The following ANK3 variants were observed in gnomAD, a reference collection of about 807,000 sequenced individuals.
ANK3 encodes the protein ankyrin 3, also known as ankyrin-3.
A neutral mutation model predicts 370.9 loss-of-function variants in ANK3; 57 were observed. The ratio of observed to expected loss-of-function variants is 0.15; its 90% confidence interval spans 0.12 to 0.19. The LOEUF is 0.19. ANK3 is among the 10% of genes least tolerant of loss of function. The pLI, the probability that ANK3 is intolerant of heterozygous loss-of-function variation, is 1.00. For synonymous variants in ANK3, 1,929 were observed against 1,946.3 expected (o/e 0.99, Z 0.23); for missense variants, 4,439 against 5,302.1 (o/e 0.84, Z 5.06).
intron 7 of ANK3, among the ~76,000 whole-genome samples, chr10:60,242,678 A>T (rs768068954): frequency 3.3e-5 from 5 of 152,304 alleles, no homozygotes; most frequent in Non-Finnish European, 5.9e-5. Context: ...TGTGCGGTGG[A>T]TACAATACCT....
rs534300791 is a variant in ANK3, at chr10:60,133,066, T to C, written c.2841+1205A>G. Among the ~76,000 whole-genome samples, 3 of 152,280 alleles carry C rather than the reference T, an allele frequency of 2.0e-5. No individual in the cohort carries two copies. The South Asian group carries it at 6.2e-4, about 32-fold the overall frequency. ...GTTCCTATGAAGTACAACACACATATGTAGGTCTAGACATCAGCATCTGCA... is the reference window on the plus strand; with the variant it reads ...GTTCCTATGAAGTACAACACACATACGTAGGTCTAGACATCAGCATCTGCA... On this transcript the variant is annotated intron_variant, in intron 25 of 43. Coordinates refer to ENST00000280772, the MANE Select transcript of ANK3 (RefSeq NM_020987.5).
chr10:60,132,587 G>C (rs897235455), intron 25 of ANK3, among the ~76,000 whole-genome samples: 2 of 151,822 alleles, frequency 1.3e-5, no homozygotes, highest in African/African-American at 4.8e-5. Flanking sequence ...TTTATTAGCA[G>C]TGTGAGAACA....
chr10:60,291,324 G>A (rs1413212244), intron 1 of ANK3, among the ~76,000 whole-genome samples: 1 of 152,070 alleles, frequency 6.6e-6, no homozygotes, highest in African/African-American at 2.4e-5. Flanking sequence ...TTAATAATAT[G>A]AGGTCAATAT....
intron 1 of ANK3, chr10:60,300,491 G>A (rs1027339968): frequency 6.3e-6 from 8 of 1,264,822 alleles, no homozygotes; most frequent in Admixed American, 2.5e-5. Context: ...CTGGTCAGAA[G>A]CAACTAACTA....
chr10:60,036,234 A>G (rs2074929489), intron 43 of ANK3, among the ~76,000 whole-genome samples: 1 of 152,018 alleles, frequency 6.6e-6, no homozygotes, highest in African/African-American at 2.4e-5. Context: ...TGCTGTTCTC[A>G]CTTCTCCCAC....
At chr10:60,302,431 T>A (rs914319392) in intron 1 of ANK3, among the ~76,000 whole-genome samples, 2 of 152,208 alleles carry the variant, frequency 1.3e-5, no homozygotes, top group African/African-American at 4.8e-5. Flanking sequence ...CTATTCATTA[T>A]TATAATATCA....
intron 28 of ANK3, among the ~76,000 whole-genome samples, chr10:60,098,722 G>A (rs954585228): frequency 2.0e-5 from 3 of 152,106 alleles, no homozygotes; most frequent in African/African-American, 7.2e-5. Context: ...AAGATAGTAC[G>A]AAAGGCTCCA....
At chr10:60,249,773 C>T (rs1246182368) in intron 7 of ANK3, among the ~76,000 whole-genome samples, 1 of 152,188 alleles carries the variant, frequency 6.6e-6, no homozygotes, top group African/African-American at 2.4e-5. Context: ...GTGGCCGATA[C>T]CCCATCCTCA....
chr10:60,398,420 T>G (rs985737019), intron 2 of ANK3, among the ~76,000 whole-genome samples: 3 of 152,178 alleles, frequency 2.0e-5, no homozygotes, highest in African/African-American at 7.2e-5. Flanking sequence ...GCTTGGAATA[T>G]TTATGTGTAC....
intron 1 of ANK3, among the ~76,000 whole-genome samples, chr10:60,302,751 C>T (rs1314441312): frequency 6.6e-6 from 1 of 151,878 alleles, no homozygotes; most frequent in African/African-American, 2.4e-5. Flanking sequence ...AACAACAAAG[C>T]TAGAGCTATC....
intron 1 of ANK3, among the ~76,000 whole-genome samples, chr10:60,669,342 A>G (rs1228774722): frequency 6.6e-6 from 1 of 152,126 alleles, no homozygotes; most frequent in East Asian, 1.9e-4. Context: ...ACTTACACCC[A>G]TTTTATGGGA....
At chr10:60,677,255 C>T (rs564959627) in intron 1 of ANK3, among the ~76,000 whole-genome samples, 4 of 152,134 alleles carry the variant, frequency 2.6e-5, no homozygotes, top group African/African-American at 9.6e-5. Context: ...ACTGAATGAC[C>T]ACAATTTAGT....
intron 1 of ANK3, among the ~76,000 whole-genome samples, chr10:60,361,158 GTT>G (rs894353145): frequency 1.3e-5 from 2 of 152,134 alleles, no homozygotes; most frequent in Non-Finnish European, 2.9e-5. Context: ...TTCTTCTGGG[GTT>G]TTCTTTTCTT....
At chr10:60,518,146 C>CAAG (rs34708451) in intron 2 of ANK3, among the ~76,000 whole-genome samples, 110,793 of 151,704 alleles carry the variant, frequency 0.73, 40,448 homozygotes, top group South Asian at 0.88. Flanking sequence ...AAGCCTGGGG[C>CAAG]AAGGACATCA....
intron 2 of ANK3, among the ~76,000 whole-genome samples, chr10:60,454,230 G>A (rs1567053965): frequency 6.6e-6 from 1 of 152,154 alleles, no homozygotes; most frequent in Non-Finnish European, 1.5e-5. Context: ...TGTGTCTTTT[G>A]ATAACGTCGT....
At chr10:60,715,215 A>ATTGTGTGTG (rs145278199) in intron 1 of ANK3, among the ~76,000 whole-genome samples, 1 of 147,192 alleles carries the variant, frequency 6.8e-6, no homozygotes, top group Non-Finnish European at 1.5e-5. Context: ...ACATATACAA[A>ATTGTGTGTG]TGTGTGTGTG....
intron 16 of ANK3, among the ~76,000 whole-genome samples, chr10:60,194,816 A>G (rs2096558327): frequency 6.6e-6 from 1 of 152,204 alleles, no homozygotes; most frequent in Non-Finnish European, 1.5e-5. Flanking sequence ...GATTAAAAGC[A>G]AGTTTGGGAG....
intron 2 of ANK3, among the ~76,000 whole-genome samples, chr10:60,420,422 TA>T (rs2063754461): frequency 6.6e-6 from 1 of 152,088 alleles, no homozygotes; most frequent in South Asian, 2.1e-4. Context: ...GCTTTATGAA[TA>T]AGCATCAGAA....
intron 2 of ANK3, among the ~76,000 whole-genome samples, chr10:60,468,396 T>C (rs756267331): frequency 1.2e-4 from 18 of 152,208 alleles, no homozygotes; most frequent in African/African-American, 1.9e-4. Flanking sequence ...AGCTCTCATT[T>C]GTGAATTTTG....
Sources: gnomAD v4.1 joint callset for allele counts (sites outside exome capture counted in the v4.1 genomes callset) on GRCh38, gnomAD v4.1.1 for gene constraint, MANE v1.5 for transcripts, NCBI Gene and HGNC (gene_info 2026-07-23, HGNC 2026-07-21) for gene names.